Variants in PRKN observed in about 807,000 individuals in gnomAD.
PRKN encodes the protein E3 ubiquitin-protein ligase parkin.
A neutral mutation model predicts 59.5 loss-of-function variants in PRKN; 56 were observed. The observed-to-expected ratio is 0.94, with a 90% CI of 0.76 to 1.18. The LOEUF is 1.18. Among genes scored for constraint, PRKN ranks in the 50% most tolerant of loss-of-function variants. The pLI is 0.00. For synonymous variants in PRKN, 250 were observed against 222.1 expected (o/e 1.13, Z -1.12); for missense variants, 657 against 596.4 (o/e 1.10, Z -1.06).
At chr6:162,495,181 AG>A (rs1793002292) in intron 1 of PRKN, among the ~76,000 whole-genome samples, 1 of 152,230 alleles carries the variant, frequency 6.6e-6, no homozygotes, top group African/African-American at 2.4e-5. Flanking sequence ...TAATGAAAAA[AG>A]TTATTCAAAG....
At chr6:161,450,373 T>C (rs1789674405) in intron 9 of PRKN, among the ~76,000 whole-genome samples, 1 of 152,232 alleles carries the variant, frequency 6.6e-6, no homozygotes, top group South Asian at 2.1e-4. Flanking sequence ...CTCCATCTAT[T>C]GTGAGAACTT....
chr6:162,426,247 G>A (rs1789232809), intron 2 of PRKN, among the ~76,000 whole-genome samples: 1 of 152,042 alleles, frequency 6.6e-6, no homozygotes, highest in Non-Finnish European at 1.5e-5. Context: ...TAGACAAACA[G>A]AACAGAGTAG....
chr6:162,162,240 T>C (rs996757075), intron 4 of PRKN, among the ~76,000 whole-genome samples: 2 of 152,154 alleles, frequency 1.3e-5, no homozygotes. Context: ...CATGCCACCA[T>C]ACCTGGCTAA....
intron 9 of PRKN, among the ~76,000 whole-genome samples, chr6:161,415,300 A>G (rs1787788127): frequency 1.3e-5 from 2 of 152,208 alleles, no homozygotes; most frequent in South Asian, 4.1e-4. Flanking sequence ...TGAGACTCCA[A>G]GATTACGAAC....
intron 2 of PRKN, among the ~76,000 whole-genome samples, chr6:162,332,402 G>C: frequency 6.6e-6 from 1 of 152,142 alleles, no homozygotes; most frequent in East Asian, 1.9e-4. Flanking sequence ...GAGCCCTGTA[G>C]GCATCCAGGT....
intron 6 of PRKN, among the ~76,000 whole-genome samples, chr6:161,850,115 T>C (rs2128222246): frequency 6.6e-6 from 1 of 152,248 alleles, no homozygotes; most frequent in Non-Finnish European, 1.5e-5. Flanking sequence ...TCACAGGTAC[T>C]GGACACTGGC....
At chr6:161,840,543 C>T (rs1184440112) in intron 6 of PRKN, among the ~76,000 whole-genome samples, 1 of 152,158 alleles carries the variant, frequency 6.6e-6, no homozygotes, top group Non-Finnish European at 1.5e-5. Context: ...ATGATTTCAT[C>T]ACCAGGCATT....
chr6:162,129,168 G>A (rs1282284472), intron 4 of PRKN, among the ~76,000 whole-genome samples: 1 of 152,122 alleles, frequency 6.6e-6, no homozygotes, highest in Non-Finnish European at 1.5e-5. Context: ...GATTTTATCA[G>A]AATTTACTGG....
chr6:162,651,014 GA>G (rs895567101), intron 1 of PRKN, among the ~76,000 whole-genome samples: 95 of 152,250 alleles, frequency 6.2e-4, no homozygotes, highest in African/African-American at 2.2e-3. Context: ...GGAAAGATAA[GA>G]AACACATTGC....
At chr6:162,007,828 T>A (rs1236351000) in intron 5 of PRKN, among the ~76,000 whole-genome samples, 1 of 152,140 alleles carries the variant, frequency 6.6e-6, no homozygotes, top group Non-Finnish European at 1.5e-5. Flanking sequence ...AAACACTAAA[T>A]TTTGAACACC....
chr6:162,461,143 A>G (rs76608906), intron 1 of PRKN, among the ~76,000 whole-genome samples: 5 of 152,022 alleles, frequency 3.3e-5, no homozygotes, highest in African/African-American at 9.7e-5. Flanking sequence ...ATGTACAAGA[A>G]TATGATACAT....
At chr6:162,624,459 G>A (rs1250308185) in intron 1 of PRKN, 1 of 152,166 alleles carries the variant, frequency 6.6e-6, no homozygotes, top group African/African-American at 2.4e-5. Flanking sequence ...AGAGCTGCAT[G>A]GGAGGTCTAA....
At chr6:161,596,198 G>C (rs543229117) in intron 7 of PRKN, among the ~76,000 whole-genome samples, 1 of 152,044 alleles carries the variant, frequency 6.6e-6, no homozygotes, top group Non-Finnish European at 1.5e-5. Flanking sequence ...GAGGCAGAAC[G>C]CAACTGCCTT....
chr6:161,973,669 C>A (rs531208722), intron 5 of PRKN, among the ~76,000 whole-genome samples: 1 of 152,098 alleles, frequency 6.6e-6, no homozygotes, highest in African/African-American at 2.4e-5. Context: ...TGGAGAAATA[C>A]GCTGTGACCT....
intron 7 of PRKN, among the ~76,000 whole-genome samples, chr6:161,704,786 G>A (rs1174862157): frequency 6.6e-6 from 1 of 151,980 alleles, no homozygotes; most frequent in Non-Finnish European, 1.5e-5. Context: ...CATCACCCAG[G>A]GCTCAAACGT....
At chr6:162,347,345 T>C (rs59107748) in intron 2 of PRKN, among the ~76,000 whole-genome samples, 1 of 151,390 alleles carries the variant, frequency 6.6e-6, no homozygotes, top group South Asian at 2.1e-4. Context: ...AATTTTTTTT[T>C]TATTTTGTAT....
At chr6:161,792,744 C>A (rs1348043975) in intron 6 of PRKN, among the ~76,000 whole-genome samples, 1 of 152,116 alleles carries the variant, frequency 6.6e-6, no homozygotes, top group African/African-American at 2.4e-5. Context: ...AAGCTCTCTG[C>A]AAACTCCACA....
At position 161,763,396 on chromosome 6, in the gene PRKN, T is replaced by A. The variant is rs116717748; in HGVS notation, c.871+22376A>T. ...CCCTGGGAAACAGGAGACACCCCCATCCTTGATAGTAACCCCCTCCTCTCT... is the reference window on the plus strand; with the variant it reads ...CCCTGGGAAACAGGAGACACCCCCAACCTTGATAGTAACCCCCTCCTCTCT... On this transcript the variant is annotated intron_variant, in intron 7 of 11. Transcript: ENST00000366898. Among the ~76,000 whole-genome samples the A allele has an allele frequency of 2.3e-3, 353 of 151,506 alleles. 1 individual carries two copies. Among genetic ancestry groups the A allele is most frequent in the African/African-American group, 7.9e-3 (327 of 41,306 alleles).
At chr6:161,698,991 C>CATCAGATACA (rs1340748543) in intron 7 of PRKN, among the ~76,000 whole-genome samples, 1 of 151,980 alleles carries the variant, frequency 6.6e-6, no homozygotes, top group Non-Finnish European at 1.5e-5. Context: ...TTTCATGTAT[C>CATCAGATACA]TGATAAAGGA....
Sources: allele counts gnomAD v4.1 joint callset (sites outside exome capture counted in the v4.1 genomes callset), GRCh38; gene constraint gnomAD v4.1.1; transcripts MANE v1.5; gene names NCBI Gene and HGNC (gene_info 2026-07-23, HGNC 2026-07-21).